The following TGFBR3L variants were observed in gnomAD, a reference collection of about 807,000 sequenced individuals.
TGFBR3L encodes transforming growth factor beta receptor 3 like.
A neutral mutation model predicts 20.4 loss-of-function variants in TGFBR3L; 21 were observed. The ratio of observed to expected loss-of-function variants is 1.03; its 90% CI spans 0.73 to 1.48. TGFBR3L has a LOEUF of 1.48. Among genes scored for constraint, TGFBR3L ranks in the 40% most tolerant of loss-of-function variants. The pLI, the probability that TGFBR3L is intolerant of heterozygous loss-of-function variation, is 0.00. For synonymous variants in TGFBR3L, 245 were observed against 244.2 expected (o/e 1.00, Z -0.03); for missense variants, 479 against 498.0 (o/e 0.96, Z 0.36).
rs1208475789 is a variant in TGFBR3L at position 7,916,106 on chromosome 19, TC to T, written c.-160del. On this transcript the variant is annotated 5_prime_UTR_variant, in exon 1 of 6. Coordinates refer to ENST00000565886, the MANE Select transcript of TGFBR3L (RefSeq NM_001195259.2). Reference sequence around the variant, plus strand: ...CCAGCCGGACCCCACCATCGGGTGCTCCTCACCGCTTCTCTTCCGCCCCAGG... The same window carrying T: ...CCAGCCGGACCCCACCATCGGGTGCTCTCACCGCTTCTCTTCCGCCCCAGG... The T allele has an allele frequency of 3.8e-5, 53 of 1,381,158 alleles. No individual in the cohort carries two copies. The highest frequency in any genetic ancestry group is 5.0e-5 in the Non-Finnish European group (53 of 1,053,234). 85.6% of individuals were successfully genotyped at this position (1,381,158 alleles called of 1,614,324 possible).
chr19:7,917,810 G>T lies in TGFBR3L; in HGVS notation c.834G>T (p.Val278=). 1 of 1,408,788 alleles carries T rather than the reference G, an allele frequency of 7.1e-7. No homozygotes were observed. The highest frequency in any genetic ancestry group is 9.2e-7 in the Non-Finnish European group (1 of 1,089,560). 87.3% of individuals were successfully genotyped at this position (1,408,788 alleles called of 1,614,324 possible). A position where few individuals can be genotyped will look rare whatever the true frequency, so the allele number is the denominator to read the frequency against. The change falls in exon 4 of 6, where the codon GTG becomes GTT. Residue 278 remains valine (V), a synonymous_variant. Coordinates refer to ENST00000565886, the MANE Select transcript of TGFBR3L (RefSeq NM_001195259.2). The stretch of plus-strand genomic sequence containing the variant: ...TGGCGCTGGTGTTGGCAGCCTTCGT[G>T]CTGGGCGCCGCGCTGGCCGCCGGGC...
intron 5 of TGFBR3L, 63 bp from the exon 7 acceptor site, chr19:7,918,854 C>A: frequency 2.5e-6 from 1 of 398,488 alleles, no homozygotes; most frequent in Non-Finnish European, 4.4e-6. Flanking sequence ...TAGTGGTCTG[C>A]TGGGAAGGGA....
chr19:7,918,777 C>T (rs1029871324), intron 5 of TGFBR3L, 140 bp from the exon 7 acceptor site: 6 of 397,020 alleles, frequency 1.5e-5, no homozygotes, highest in African/African-American at 1.0e-4. Flanking sequence ...AGGCACTAGG[C>T]GAGGAGAACT....
chr19:7,918,444 C>A lies in TGFBR3L; in HGVS notation c.*5+315C>A, dbSNP rs191153356. 1.8e-3 allele frequency among the ~76,000 whole-genome samples: 267 copies of A among 152,276 alleles called. 2 individuals carry two copies. The highest frequency in any genetic ancestry group is 6.1e-3 in the African/African-American group (255 of 41,554). On this transcript the variant is annotated intron_variant, in intron 5 of 5. Coordinates refer to ENST00000565886, the MANE Select transcript of TGFBR3L (RefSeq NM_001195259.2). ...AGAGACGGGGTTTCTCCATGTTGGT[C>A]AGGCTGGTCTCGCACACCCGACCTC...
In TGFBR3L at chr19:7,916,868, C is replaced by A. The variant is rs1299892778; in HGVS notation, c.523C>A (p.Arg175Ser). The A allele has an allele frequency of 7.2e-7, 1 of 1,387,068 alleles. No individual in the cohort carries two copies. The highest frequency in any genetic ancestry group is 2.6e-4 in the Middle Eastern group (1 of 3,868). 85.9% of individuals were successfully genotyped at this position (1,387,068 alleles called of 1,614,324 possible). A position where few individuals can be genotyped will look rare whatever the true frequency, so the allele number is the denominator to read the frequency against. Residue 175 changes from arginine (R) to serine (S), a missense_variant, in exon 2 of 6, where the codon CGC (arginine) becomes AGC (serine). Transcript: ENST00000565886. ...GCAGTTCCTGCACTGCCAGCTGAGCCGCTGCCGCCGCCTCCGGGGAGTCCG... is the reference window on the plus strand; with the variant it reads ...GCAGTTCCTGCACTGCCAGCTGAGCAGCTGCCGCCGCCTCCGGGGAGTCCG...
chr19:7,916,344 C>T lies in TGFBR3L; in HGVS notation c.77C>T (p.Pro26Leu). 2 of 1,535,690 alleles carry T rather than the reference C, an allele frequency of 1.3e-6. No homozygotes were observed. Among genetic ancestry groups the T allele is most frequent in the Non-Finnish European group, 8.7e-7 (1 of 1,146,786 alleles). ...GGGCGAGGTGGTCGGGTCACTTTTC[C>T]CGGAGGCCTAAAGGGCAGCGCGCGT... Residue 26 changes from proline to leucine, a missense_variant, in exon 1 of 6, where the codon CCC becomes CTC. Coordinates refer to ENST00000565886, the MANE Select transcript of TGFBR3L (RefSeq NM_001195259.2).
In TGFBR3L at chr19:7,916,507, G is replaced by A. The variant is rs1341329491; in HGVS notation, c.240G>A (p.Pro80=). ...ACGTCTTTCCTCGCCGCGCGGGGCC[G>A]CTCGAGGTCCCGGCCGACAGCCGCG... The change falls in exon 1 of 6, where the codon CCG becomes CCA. Residue 80 remains proline (P), a synonymous_variant. Coordinates refer to ENST00000565886, the MANE Select transcript of TGFBR3L (RefSeq NM_001195259.2). 1.3e-6 allele frequency: 2 copies of A among 1,516,092 alleles called. No homozygotes were observed. Among genetic ancestry groups the A allele is most frequent in the Non-Finnish European group, 1.8e-6 (2 of 1,134,564 alleles). The allele number at this position is 1,516,092 out of a possible 1,614,324, so 93.9% of individuals were successfully genotyped here.
In TGFBR3L at chr19:7,916,690, A is replaced by G; in HGVS notation, c.345A>G (p.Ser115=). 1 of 1,430,886 alleles carries G rather than the reference A, an allele frequency of 7.0e-7. No individual in the cohort carries two copies. Among genetic ancestry groups the G allele is most frequent in the Non-Finnish European group, 9.1e-7 (1 of 1,101,584 alleles). 88.6% of individuals were successfully genotyped at this position (1,430,886 alleles called of 1,614,324 possible). Reference sequence around the variant, plus strand: ...ACCGCTGCTCAGTGACGCCGTCCTCACGCCCGGCCCCGGGGCCCGCCCTGG... The same window carrying G: ...ACCGCTGCTCAGTGACGCCGTCCTCGCGCCCGGCCCCGGGGCCCGCCCTGG... Residue 115 remains serine (S), a synonymous_variant, in exon 2 of 6, where the codon TCA becomes TCG. Coordinates refer to ENST00000565886, the MANE Select transcript of TGFBR3L (RefSeq NM_001195259.2).
Position 7,917,571 on chromosome 19 carries a change from C to G in TGFBR3L, c.696C>G (p.Ile232Met), listed in dbSNP as rs1315086639. The G allele has an allele frequency of 2.0e-5, 30 of 1,494,328 alleles. No homozygotes were observed. The highest frequency in any genetic ancestry group is 2.6e-5 in the Non-Finnish European group (29 of 1,125,390). The allele number at this position is 1,494,328 out of a possible 1,614,324, so 92.6% of individuals were successfully genotyped here. A position where few individuals can be genotyped will look rare whatever the true frequency, so the allele number is the denominator to read the frequency against. The change falls in exon 3 of 6, where the codon ATC becomes ATG. Residue 232 changes from isoleucine to methionine, a missense_variant. Ile to Met is a conservative substitution (Grantham distance 10). Transcript: ENST00000565886. ...ACCTGCACACGCTGACGCAGCCTATCGTGGTCACCGTGCCGCGGCCGCCCC... is the reference window on the plus strand; with the variant it reads ...ACCTGCACACGCTGACGCAGCCTATGGTGGTCACCGTGCCGCGGCCGCCCC...
rs574155089 is a variant in TGFBR3L, at chr19:7,915,132, G to C, written c.-1136G>C. On this transcript the variant is annotated 5_prime_UTR_variant, in exon 1 of 6. Transcript: ENST00000565886. ...TGGGACTACAGGCACGCACCACCAC[G>C]CCTGGCTAATTGTTGTATTTTTAGT... is the stretch of plus-strand genomic sequence containing the variant. Among the ~76,000 whole-genome samples, 28 of 152,210 alleles carry C rather than the reference G, an allele frequency of 1.8e-4. No homozygotes were observed. The highest frequency in any genetic ancestry group is 3.1e-4 in the African/African-American group (13 of 41,532).
Position 7,916,087 on chromosome 19 carries a change from G to A in TGFBR3L, c.-181G>A, listed in dbSNP as rs1983270534. The A allele has an allele frequency of 4.7e-6, 6 of 1,263,392 alleles. No homozygotes were observed. The highest frequency in any genetic ancestry group is 6.3e-6 in the Non-Finnish European group (6 of 946,794). 78.3% of individuals were successfully genotyped at this position (1,263,392 alleles called of 1,614,324 possible). A position where few individuals can be genotyped will look rare whatever the true frequency, so the allele number is the denominator to read the frequency against. ...GGGGGAGCTCTGACTTCACCCAGCC[G>A]GACCCCACCATCGGGTGCTCCTCAC... On this transcript the variant is annotated 5_prime_UTR_variant, in exon 1 of 6. Transcript: ENST00000565886.
rs1983232098 is a variant in TGFBR3L at position 7,915,324 on chromosome 19, TG to T, written c.-940del. Among the ~76,000 whole-genome samples, 1 of 143,540 alleles carries T rather than the reference TG, an allele frequency of 7.0e-6. No individual in the cohort carries two copies. Among genetic ancestry groups the T allele is most frequent in the Non-Finnish European group, 1.5e-5 (1 of 65,906 alleles). 94.2% of individuals were successfully genotyped at this position (143,540 alleles called of 152,430 possible). A position where few individuals can be genotyped will look rare whatever the true frequency, so the allele number is the denominator to read the frequency against. On this transcript the variant is annotated 5_prime_UTR_variant, in exon 1 of 6. Coordinates refer to ENST00000565886, the MANE Select transcript of TGFBR3L (RefSeq NM_001195259.2). ...CCTTTGGTGGTGGTCCTCATGGGGG[TG>T]GGGACAGGGCAGGGGAGTGGGGTGG... is the stretch of plus-strand genomic sequence containing the variant.
rs770803697 is a variant in TGFBR3L at position 7,917,488 on chromosome 19, G to C, written c.613G>C (p.Glu205Gln). The C allele has an allele frequency of 6.6e-7, 1 of 1,526,602 alleles. No homozygotes were observed. The allele number at this position is 1,526,602 out of a possible 1,614,324, so 94.6% of individuals were successfully genotyped here. Residue 205 changes from glutamate (E) to glutamine (Q), a missense_variant, in exon 3 of 6, where the codon GAG becomes CAG. Glu to Gln is a conservative substitution (Grantham distance 29, BLOSUM62 2). Transcript: ENST00000565886. ...TCTCCCCCAGTGTCTGCCTCAGGAC[G>C]AGGCGTGCGCCGACACTGGCAGTGG...
chr19:7,917,537 A>G lies in TGFBR3L; in HGVS notation c.662A>G (p.Asp221Gly). 1.3e-6 allele frequency: 2 copies of G among 1,522,842 alleles called. No homozygotes were observed. Among genetic ancestry groups the G allele is most frequent in the Non-Finnish European group, 1.8e-6 (2 of 1,141,528 alleles). The allele number at this position is 1,522,842 out of a possible 1,614,324, so 94.3% of individuals were successfully genotyped here. ...GGCAGCGCCGAGGGCCTGGCTGCTG[A>G]CGGCCCCCACCTGCACACGCTGACG... The change falls in exon 3 of 6, where the codon GAC becomes GGC. Residue 221 changes from aspartate (D) to glycine (G), a missense_variant. Physicochemically the swap from Asp to Gly is moderately conservative, Grantham distance 94. Transcript: ENST00000565886.
In TGFBR3L at chr19:7,918,126, G is replaced by A; in HGVS notation, c.*2G>A. ...CCCCAGCCCAGGAGGTCCCAGTGAG[G>A]AAGGTAGGTATGGAGGTGGAGGGAG... On this transcript the variant is annotated 3_prime_UTR_variant, in exon 5 of 6. Transcript: ENST00000565886. 1 of 1,535,876 alleles carries A rather than the reference G, an allele frequency of 6.5e-7. No individual in the cohort carries two copies. The highest frequency in any genetic ancestry group is 8.7e-7 in the Non-Finnish European group (1 of 1,146,752).
chr19:7,917,645 C>T, intron 3 of TGFBR3L, 46 bp downstream of exon 4: 5 of 1,426,294 alleles, frequency 3.5e-6, no homozygotes, highest in African/African-American at 1.5e-5. Context: ...GGCGGCAGAG[C>T]GGGTGGGAAG....
chr19:7,918,952 C>A lies in TGFBR3L; in HGVS notation c.*41C>A, dbSNP rs796439727. The A allele has an allele frequency of 3.5e-5, 14 of 398,612 alleles. No homozygotes were observed. The highest frequency in any genetic ancestry group is 2.7e-4 in the African/African-American group (13 of 48,728). The allele number at this position is 398,612 out of a possible 1,614,324, so 24.7% of individuals were successfully genotyped here. The stretch of plus-strand genomic sequence containing the variant: ...CCCCCAACATGGTCCGGAGATACAC[C>A]CAGCTACCAATTCGGGACCAGGACC... On this transcript the variant is annotated 3_prime_UTR_variant, in exon 6 of 6. Transcript: ENST00000565886.
rs1382348538 is a variant in TGFBR3L, at chr19:7,917,779, C to T, written c.803C>T (p.Pro268Leu). 3 of 1,440,448 alleles carry T rather than the reference C, an allele frequency of 2.1e-6. No homozygotes were observed. Among genetic ancestry groups the T allele is most frequent in the African/African-American group, 1.5e-5 (1 of 66,998 alleles). The allele number at this position is 1,440,448 out of a possible 1,614,324, so 89.2% of individuals were successfully genotyped here. The stretch of plus-strand genomic sequence containing the variant: ...GCCCCCGCGGCCCTGGAACCCGCGC[C>T]GGTGGTGGCGCTGGTGTTGGCAGCC... Residue 268 changes from proline (P) to leucine (L), a missense_variant, in exon 4 of 6, where the codon CCG (proline) becomes CTG (leucine). Coordinates refer to ENST00000565886, the MANE Select transcript of TGFBR3L (RefSeq NM_001195259.2).
intron 2 of TGFBR3L, chr19:7,917,171 G>T: frequency 1.2e-6 from 1 of 811,870 alleles, no homozygotes; most frequent in Non-Finnish European, 1.8e-6. Flanking sequence ...GTTGGATGCA[G>T]AAGGCCACTA....
Sources: allele counts gnomAD v4.1 joint callset (sites outside exome capture counted in the v4.1 genomes callset), GRCh38; gene constraint gnomAD v4.1.1; transcripts MANE v1.5; gene names NCBI Gene and HGNC (gene_info 2026-07-23, HGNC 2026-07-21).